The following C8orf74 variants were observed in gnomAD, a reference collection of about 807,000 sequenced individuals.
C8orf74 encodes uncharacterized protein C8orf74.
In C8orf74, 29 loss-of-function variants were observed where a neutral mutation model predicts 22.2. The observed-to-expected ratio is 1.31, with a 90% CI of 0.97 to 1.78. C8orf74 has a LOEUF of 1.78. Among genes scored for constraint, C8orf74 ranks in the 40% most tolerant of loss-of-function variants. The pLI is 0.00. For synonymous variants in C8orf74, 255 were observed against 163.1 expected (o/e 1.56, Z -4.30); for missense variants, 515 against 369.9 (o/e 1.39, Z -3.22).
intron 2 of C8orf74, among the ~76,000 whole-genome samples, chr8:10,697,294 G>T (rs777725505): frequency 2.0e-5 from 3 of 152,034 alleles, no homozygotes; most frequent in African/African-American, 4.8e-5. Context: ...AATTAGTCAG[G>T]TTTGGTAGCA....
In C8orf74 at chr8:10,691,226, C is replaced by T. The variant is rs1452600677; in HGVS notation, c.242-6373C>T. 13 of 314,728 alleles carry T rather than the reference C, an allele frequency of 4.1e-5. No homozygotes were observed. In the East Asian group the frequency reaches 9.4e-4, roughly 23 times the overall value. The allele number at this position is 314,728 out of a possible 1,614,324, so 19.5% of individuals were successfully genotyped here. On this transcript the variant is annotated intron_variant, in intron 2 of 3. Coordinates refer to ENST00000304519, the MANE Select transcript of C8orf74 (RefSeq NM_001040032.2). ...CAAGGTCTACACTTGGTTTGTATGA[C>T]CTCTTAGGAGCAGGTCACAGCCCAT...
At chr8:10,693,663 G>T (rs946099042) in intron 2 of C8orf74, among the ~76,000 whole-genome samples, 1 of 152,190 alleles carries the variant, frequency 6.6e-6, no homozygotes, top group East Asian at 1.9e-4. Context: ...GAGGGCAGGG[G>T]TCATGTCAGA....
chr8:10,695,739 TG>T (rs1799482759), intron 2 of C8orf74, among the ~76,000 whole-genome samples: 1 of 151,450 alleles, frequency 6.6e-6, no homozygotes, highest in Admixed American at 6.6e-5. Context: ...TAGCTGGGGG[TG>T]GGGAAACCGC....
intron 2 of C8orf74, chr8:10,692,989 G>C (rs1209523594): frequency 3.9e-5 from 6 of 152,280 alleles, no homozygotes; most frequent in African/African-American, 1.4e-4. Context: ...GAGTACTCTG[G>C]AGAAAGACTC....
At chr8:10,689,176 C>T (rs966207476) in intron 2 of C8orf74, 2 of 152,256 alleles carry the variant, frequency 1.3e-5, no homozygotes, top group African/African-American at 4.8e-5. Flanking sequence ...ATGGGGAAGG[C>T]AGCTCTACCA....
At chr8:10,692,062 C>T (rs11990311) in intron 2 of C8orf74, 24,237 of 152,438 alleles carry the variant, frequency 0.16, 6,154 homozygotes, top group African/African-American at 0.54. Flanking sequence ...CATGTGCAGA[C>T]GCCCTGGCCT....
At chr8:10,684,155 T>C (rs1026118900) in intron 2 of C8orf74, among the ~76,000 whole-genome samples, 1 of 152,204 alleles carries the variant, frequency 6.6e-6, no homozygotes, top group African/African-American at 2.4e-5. Flanking sequence ...CATGGCAGTC[T>C]TGGGTGGATG....
Position 10,697,784 on chromosome 8 carries a change from G to C in C8orf74, c.427G>C (p.Glu143Gln), listed in dbSNP as rs1321967764. Residue 143 changes from glutamate to glutamine, a missense_variant, in exon 3 of 4, where the codon GAG becomes CAG. Glu to Gln is a conservative substitution (Grantham distance 29). Transcript: ENST00000304519. ...QQVDLTVAHLEVCMPPHPLPL... is the reference protein window; with the variant it reads ...QQVDLTVAHLQVCMPPHPLPL... ...GGTCGACCTGACCGTTGCCCACCTG[G>C]AGGTGTGCATGCCACCCCATCCCCT... 3.7e-6 allele frequency: 6 copies of C among 1,613,894 alleles called. No homozygotes were observed. Among genetic ancestry groups the C allele is most frequent in the Non-Finnish European group, 5.1e-6 (6 of 1,179,892 alleles).
chr8:10,694,304 C>G (rs984373748), intron 2 of C8orf74, among the ~76,000 whole-genome samples: 7 of 152,178 alleles, frequency 4.6e-5, no homozygotes, highest in Non-Finnish European at 8.8e-5. Flanking sequence ...GTTTGACAAA[C>G]TAATCTTGGA....
intron 2 of C8orf74, among the ~76,000 whole-genome samples, chr8:10,679,493 G>A (rs971237148): frequency 3.9e-5 from 6 of 152,180 alleles, no homozygotes; most frequent in African/African-American, 1.4e-4. Context: ...AAGTGGCACT[G>A]TGCAGGTTTG....
chr8:10,694,409 G>A (rs1395377193), intron 2 of C8orf74, among the ~76,000 whole-genome samples: 2 of 152,148 alleles, frequency 1.3e-5, no homozygotes, highest in African/African-American at 4.8e-5. Flanking sequence ...ATGTACCTGG[G>A]AGAAAGATCC....
At chr8:10,694,485 A>G (rs887379128) in intron 2 of C8orf74, among the ~76,000 whole-genome samples, 1 of 152,118 alleles carries the variant, frequency 6.6e-6, no homozygotes, top group African/African-American at 2.4e-5. Context: ...CTGGAGGGGA[A>G]AGAAGGAGGG....
chr8:10,684,872 G>C (rs1009245744), intron 2 of C8orf74, among the ~76,000 whole-genome samples: 4 of 152,202 alleles, frequency 2.6e-5, no homozygotes, highest in African/African-American at 9.6e-5. Flanking sequence ...CCATCATTAA[G>C]TCAAATAAGG....
intron 2 of C8orf74, among the ~76,000 whole-genome samples, chr8:10,686,889 C>G (rs1337473094): frequency 6.6e-6 from 1 of 152,180 alleles, no homozygotes; most frequent in Non-Finnish European, 1.5e-5. Context: ...CCCAGCTGTC[C>G]TGTCCCCTTC....
intron 2 of C8orf74, among the ~76,000 whole-genome samples, chr8:10,678,707 G>A (rs1799085187): frequency 6.6e-6 from 1 of 152,176 alleles, no homozygotes; most frequent in African/African-American, 2.4e-5. Context: ...CACCAGGAGA[G>A]CTGGCTCCTG....
At chr8:10,676,037 C>T (rs1799025451) in intron 2 of C8orf74, among the ~76,000 whole-genome samples, 1 of 152,056 alleles carries the variant, frequency 6.6e-6, no homozygotes, top group Admixed American at 6.6e-5. Context: ...AATGTTCTTG[C>T]TTTAGGAGAT....
intron 2 of C8orf74, chr8:10,690,730 G>T: frequency 2.6e-6 from 1 of 377,950 alleles, no homozygotes; most frequent in Non-Finnish European, 5.4e-6. Context: ...AGGGCCCAAG[G>T]AAGCCACCGG....
intron 2 of C8orf74, chr8:10,691,418 G>A (rs963214432): frequency 2.5e-5 from 4 of 159,604 alleles, no homozygotes; most frequent in African/African-American, 9.6e-5. Flanking sequence ...CTTCGCCAAT[G>A]AGGCAGACAC....
Position 10,684,999 on chromosome 8 carries a change from A to ATC in C8orf74, c.241+10162_241+10163dup, listed in dbSNP as rs1799231705. On this transcript the variant is annotated intron_variant, in intron 2 of 3. Coordinates refer to ENST00000304519, the MANE Select transcript of C8orf74 (RefSeq NM_001040032.2). ...TGGGGGTCCTCTGAAGGAAGGAGTG[A>ATC]TCCACTCCCCACAGGGGGCGGAGCA... Among the ~76,000 whole-genome samples, 3 of 152,332 alleles carry ATC rather than the reference A, an allele frequency of 2.0e-5. No homozygotes were observed. In the South Asian group the frequency reaches 6.2e-4, roughly 32 times the overall value.
Sources: allele counts gnomAD v4.1 joint callset (sites outside exome capture counted in the v4.1 genomes callset), GRCh38; gene constraint gnomAD v4.1.1; transcripts MANE v1.5; gene names NCBI Gene and HGNC (gene_info 2026-07-23, HGNC 2026-07-21).